The following IRAK4 variants were observed in gnomAD, a reference collection of about 807,000 sequenced individuals.
The protein encoded by IRAK4 is interleukin-1 receptor-associated kinase 4.
IRAK4 carries 44 observed loss-of-function variants against 51.8 expected under a neutral mutation model. The ratio of observed to expected loss-of-function variants is 0.85; its 90% confidence interval spans 0.67 to 1.09. IRAK4 has a LOEUF of 1.09. Among genes scored for constraint, IRAK4 ranks in the 50% least tolerant of loss-of-function variants. The pLI, the probability that IRAK4 is intolerant of heterozygous loss-of-function variation, is 0.00. For missense variants in IRAK4, 487 were observed against 538.0 expected, an observed-to-expected ratio of 0.91 and a Z score of 0.94; for synonymous variants, 149 against 174.1, an observed-to-expected ratio of 0.86 and a Z score of 1.13.
At chr12:43,782,216 A>T (rs933933970) in intron 8 of IRAK4, 91 bp from the exon 9 acceptor site, 2 of 778,988 alleles carry the variant, frequency 2.6e-6, no homozygotes, top group Non-Finnish European at 4.6e-6. Flanking sequence ...ACATATATAC[A>T]TGCATACATA....
intron 2 of IRAK4, 87 bp downstream of exon 2, chr12:43,768,359 T>A: frequency 2.0e-6 from 2 of 1,006,844 alleles, no homozygotes; most frequent in Non-Finnish European, 3.0e-6. Flanking sequence ...AATGTGGCAG[T>A]TTAGAAAGTA....
At chr12:43,777,988 A>G (rs1461059255) in intron 7 of IRAK4, among the ~76,000 whole-genome samples, 4 of 152,200 alleles carry the variant, frequency 2.6e-5, no homozygotes, top group Non-Finnish European at 5.9e-5. Flanking sequence ...ATGCTTTTAT[A>G]TATTTTTATC....
At chr12:43,781,168 A>G (rs1223552332) in intron 8 of IRAK4, among the ~76,000 whole-genome samples, 1 of 152,126 alleles carries the variant, frequency 6.6e-6, no homozygotes, top group Non-Finnish European at 1.5e-5. Flanking sequence ...TAATTACAAA[A>G]TTCTGTTGTG....
intron 1 of IRAK4, chr12:43,759,683 A>G: frequency 6.6e-6 from 1 of 152,550 alleles, no homozygotes. Flanking sequence ...AGCCTGGCCA[A>G]CATGGTGAAA....
chr12:43,781,560 A>T (rs763493569), intron 8 of IRAK4, among the ~76,000 whole-genome samples: 1 of 152,172 alleles, frequency 6.6e-6, no homozygotes, highest in African/African-American at 2.4e-5. Flanking sequence ...ATCCTTCAAT[A>T]CTAAGCACAC....
intron 1 of IRAK4, chr12:43,763,176 T>C (rs193286196): frequency 6.6e-6 from 1 of 152,352 alleles, no homozygotes; most frequent in East Asian, 1.9e-4. Context: ...AGATTCCTCA[T>C]TGCAGCTTAC....
chr12:43,785,229 G>A (rs945967541), intron 10 of IRAK4, among the ~76,000 whole-genome samples: 1 of 152,082 alleles, frequency 6.6e-6, no homozygotes, highest in African/African-American at 2.4e-5. Flanking sequence ...CACATTCACA[G>A]GTTCCAGGAA....
chr12:43,778,352 T>C, intron 8 of IRAK4, 50 bp downstream of exon 8: 1 of 1,020,582 alleles, frequency 9.8e-7, no homozygotes, highest in Non-Finnish European at 1.6e-6. Flanking sequence ...TAAAGAATAA[T>C]TTGCTGTCAC....
intron 1 of IRAK4, among the ~76,000 whole-genome samples, chr12:43,766,970 T>C (rs777760920): frequency 2.0e-5 from 3 of 152,182 alleles, no homozygotes; most frequent in Non-Finnish European, 2.9e-5. Context: ...TAGACCTATT[T>C]AGATGTGGTC....
At chr12:43,782,895 A>T (rs1362824030) in intron 9 of IRAK4, among the ~76,000 whole-genome samples, 7 of 152,086 alleles carry the variant, frequency 4.6e-5, no homozygotes, top group Non-Finnish European at 1.0e-4. Flanking sequence ...TCTTCATTTT[A>T]TTTTTTCATA....
chr12:43,785,176 T>C (rs989467797), intron 10 of IRAK4, among the ~76,000 whole-genome samples: 5 of 152,126 alleles, frequency 3.3e-5, no homozygotes, highest in African/African-American at 9.7e-5. Flanking sequence ...CATCTCAGGA[T>C]ACTTAATTAC....
At chr12:43,785,407 G>T (rs4251535) in intron 10 of IRAK4, among the ~76,000 whole-genome samples, 12 of 151,390 alleles carry the variant, frequency 7.9e-5, no homozygotes, top group African/African-American at 2.9e-4. Context: ...AAATTTGTTG[G>T]GTACAGGGAG....
chr12:43,788,304 A>G lies in IRAK4; in HGVS notation c.*1589A>G, dbSNP rs1942342170. 1.3e-5 allele frequency: 2 copies of G among 152,264 alleles called. No individual in the cohort carries two copies. The highest frequency in any genetic ancestry group is 2.9e-5 in the Non-Finnish European group (2 of 68,104). 9.4% of individuals were successfully genotyped at this position (152,264 alleles called of 1,614,324 possible). On this transcript the variant is annotated 3_prime_UTR_variant, in exon 12 of 12. Coordinates refer to ENST00000613694, the MANE Select transcript of IRAK4 (RefSeq NM_016123.4). Reference sequence around the variant, plus strand: ...GCCCCAACACAGAGACCCCAGCAGGACACTGCCTAGTAGAGCTATGGGAAG... The same window carrying G: ...GCCCCAACACAGAGACCCCAGCAGGGCACTGCCTAGTAGAGCTATGGGAAG...
At position 43,773,948 on chromosome 12, in the gene IRAK4, A is replaced by T; in HGVS notation, c.652-17A>T. ...TTAGAATTGTGTAGTATTACATTGTATATTTTATTTTTTCAGATGGTTGAC... is the reference window on the plus strand; with the variant it reads ...TTAGAATTGTGTAGTATTACATTGTTTATTTTATTTTTTCAGATGGTTGAC... On this transcript the variant is annotated splice_polypyrimidine_tract_variant and intron_variant, in intron 5 of 11. Transcript: ENST00000613694. The T allele has an allele frequency of 6.6e-7, 1 of 1,523,774 alleles. No individual in the cohort carries two copies. The highest frequency in any genetic ancestry group is 9.1e-7 in the Non-Finnish European group (1 of 1,099,062). The allele number at this position is 1,523,774 out of a possible 1,614,324, so 94.4% of individuals were successfully genotyped here.
At chr12:43,773,620 G>A (rs1456313278) in intron 5 of IRAK4, among the ~76,000 whole-genome samples, 1 of 151,938 alleles carries the variant, frequency 6.6e-6, no homozygotes, top group Non-Finnish European at 1.5e-5. Flanking sequence ...TGTCATATAT[G>A]TTGCAGGGCT....
In IRAK4 at chr12:43,764,868, A is replaced by G. The variant is rs144991696; in HGVS notation, c.-9-3235A>G. On this transcript the variant is annotated intron_variant, in intron 1 of 11. Transcript: ENST00000613694. ...CTGTTTCTCAAAACCCTCTCTAATAAGCAGATGTTACCATTCTTTTTCCCT... is the reference window on the plus strand; with the variant it reads ...CTGTTTCTCAAAACCCTCTCTAATAGGCAGATGTTACCATTCTTTTTCCCT... 3.3e-5 allele frequency among the ~76,000 whole-genome samples: 5 copies of G among 152,334 alleles called. No homozygotes were observed. In the East Asian group the frequency reaches 7.7e-4, roughly 23 times the overall value.
rs17851028 is a variant in IRAK4, at chr12:43,771,349, G to A, written c.291G>A (p.Ala97=). 9.8e-4 allele frequency: 1,575 copies of A among 1,613,918 alleles called. 1 individual carries two copies. Among genetic ancestry groups the A allele is most frequent in the Non-Finnish European group, 1.1e-3 (1,274 of 1,179,996 alleles). ...LLIQNEFFAP[A]SLLLPDAVPK... is the part of the protein sequence containing the mutation. ...TCCAAAATGAATTTTTTGCTCCTGC[G>A]AGTCTTTTGCTCCCAGGTAAACTGA... is the stretch of plus-strand genomic sequence containing the variant. Residue 97 remains alanine (A), a synonymous_variant, in exon 3 of 12, where the codon GCG becomes GCA. Transcript: ENST00000613694.
chr12:43,767,639 T>G (rs890492977), intron 1 of IRAK4, among the ~76,000 whole-genome samples: 2 of 152,140 alleles, frequency 1.3e-5, no homozygotes, highest in African/African-American at 2.4e-5. Flanking sequence ...CAGTACGTTT[T>G]TTTTTTTTAC....
At chr12:43,759,164 T>A (rs1939139519) in intron 1 of IRAK4, 148 bp downstream of exon 1, 1 of 152,140 alleles carries the variant, frequency 6.6e-6, no homozygotes, top group Admixed American at 6.5e-5. Flanking sequence ...AGGAAGTGGG[T>A]TCCTTTGACA....
Sources: allele counts gnomAD v4.1 joint callset (sites outside exome capture counted in the v4.1 genomes callset), GRCh38; gene constraint gnomAD v4.1.1; transcripts MANE v1.5; gene names NCBI Gene and HGNC (gene_info 2026-07-23, HGNC 2026-07-21).